PHF19: variants seen among roughly 807,000 people sequenced by gnomAD.
PHF19 encodes the protein polycomb like 3.
Under a neutral mutation model 79.8 loss-of-function variants are expected in PHF19, and 21 were observed. The observed-to-expected ratio is 0.26, with a 90% CI of 0.19 to 0.38. The LOEUF is 0.38. PHF19 is among the 10% of genes least tolerant of loss of function. The pLI is 1.00. For missense variants in PHF19, 445 were observed against 744.2 expected, an observed-to-expected ratio of 0.60 and a Z score of 4.68; for synonymous variants, 273 against 296.3, an observed-to-expected ratio of 0.92 and a Z score of 0.81.
Position 120,869,129 on chromosome 9 carries a change from C to G in PHF19, c.614+53G>C. On this transcript the variant is annotated intron_variant, in intron 6 of 14. Transcript: ENST00000373896. This position sits in a 1 kb window ranked among gnomAD's most constrained non-coding sequence, Gnocchi z 5.8. The stretch of plus-strand genomic sequence containing the variant: ...GCTCCCTATGGGCGGTCCCTGCTGG[C>G]GATTCTTGGAGACCTGCCCTGCCGC... 6 of 1,547,568 alleles carry G rather than the reference C, an allele frequency of 3.9e-6. No individual in the cohort carries two copies. The highest frequency in any genetic ancestry group is 5.2e-6 in the Non-Finnish European group (6 of 1,147,160).
Position 120,874,096 on chromosome 9 carries a change from G to A in PHF19, c.187-36C>T. 8.0e-7 allele frequency: 1 copy of A among 1,254,384 alleles called. No homozygotes were observed. Among genetic ancestry groups the A allele is most frequent in the Non-Finnish European group, 1.2e-6 (1 of 864,992 alleles). 77.7% of individuals were successfully genotyped at this position (1,254,384 alleles called of 1,614,324 possible). A position where few individuals can be genotyped will look rare whatever the true frequency, so the allele number is the denominator to read the frequency against. On this transcript the variant is annotated intron_variant, in intron 2 of 14. Transcript: ENST00000373896. The surrounding 1 kb of genome is among the most constrained non-coding windows in gnomAD (Gnocchi z 4.5). Reference sequence around the variant, plus strand: ...GATAGGAAGGAGCAAGTGAGAAAGGGCTGGGGAAAAGCCAACCTGGAACAT... The same window carrying A: ...GATAGGAAGGAGCAAGTGAGAAAGGACTGGGGAAAAGCCAACCTGGAACAT...
At chr9:120,877,403 G>C (rs1364233899), upstream of PHF19, 1 of 972,502 alleles carries the variant, frequency 1.0e-6, no homozygotes, top group Non-Finnish European at 1.2e-6. Flanking sequence ...ATTGGAGCCC[G>C]CGGCCGCCGG....
In PHF19 at chr9:120,877,143, C is replaced by G. The variant is rs1026936371; in HGVS notation, c.-68G>C. ...CTTGGAGTCTGGCCACCAGGCGCAT[C>G]GGTGGCGGAGGCGGCTGCGCTCGGC... On this transcript the variant is annotated 5_prime_UTR_variant, in exon 1 of 15. Transcript: ENST00000373896. The G allele has an allele frequency of 2.0e-6, 2 of 981,020 alleles. No individual in the cohort carries two copies. Among genetic ancestry groups the G allele is most frequent in the Admixed American group, 6.3e-5 (1 of 15,876 alleles). 60.8% of individuals were successfully genotyped at this position (981,020 alleles called of 1,614,324 possible). A position where few individuals can be genotyped will look rare whatever the true frequency, so the allele number is the denominator to read the frequency against.
At chr9:120,880,901 A>C (rs2046171154), upstream of PHF19, among the ~76,000 whole-genome samples, 1 of 151,520 alleles carries the variant, frequency 6.6e-6, no homozygotes, top group Admixed American at 6.6e-5. Context: ...TTGAGGCCAC[A>C]GTAAGCCATG....
chr9:120,886,129 C>G (rs1051639049), intron 1 of PHF19, among the ~76,000 whole-genome samples: 2 of 152,220 alleles, frequency 1.3e-5, no homozygotes, highest in African/African-American at 2.4e-5. Context: ...GATGCCTCCC[C>G]CTGCAGAGGA....
chr9:120,858,811 T>TCTCTCACACA (rs764897588), intron 14 of PHF19, among the ~76,000 whole-genome samples: 1 of 122,802 alleles, frequency 8.1e-6, no homozygotes, highest in African/African-American at 3.1e-5. Flanking sequence ...CTGACAGACA[T>TCTCTCACACA]CACACACACA....
intron 6 of PHF19, 190 bp downstream of exon 6, chr9:120,868,992 G>A (rs1386368591): frequency 1.0e-4 from 14 of 138,806 alleles, no homozygotes; most frequent in African/African-American, 2.0e-4. Flanking sequence ...CCGCCCCCGA[G>A]GCCCCACCCC....
upstream of PHF19, among the ~76,000 whole-genome samples, chr9:120,899,495 CAAA>C (rs1261417216): frequency 3.2e-5 from 3 of 95,034 alleles, no homozygotes; most frequent in Non-Finnish European, 2.2e-5. Flanking sequence ...GACTCCGTCT[CAAA>C]AAAAAAAAAA....
the PHF19 span, among the ~76,000 whole-genome samples, chr9:120,900,897 C>G: frequency 6.6e-6 from 1 of 152,194 alleles, no homozygotes; most frequent in African/African-American, 2.4e-5. Context: ...GTGTCTCTTA[C>G]AATCAGGAAT....
intron 1 of PHF19, among the ~76,000 whole-genome samples, chr9:120,889,203 G>A (rs980499173): frequency 1.3e-5 from 2 of 152,200 alleles, no homozygotes; most frequent in East Asian, 1.9e-4. Context: ...TGAGGCGGGC[G>A]GATCACGAGG....
chr9:120,874,390 G>T lies in PHF19; in HGVS notation c.186+166C>A, dbSNP rs1417790131. Reference sequence around the variant, plus strand: ...TTGGATGATGTTGACCCTAGGGATGGTGCCTGCAAGACCAGGCTCTGGCCC... The same window carrying T: ...TTGGATGATGTTGACCCTAGGGATGTTGCCTGCAAGACCAGGCTCTGGCCC... On this transcript the variant is annotated intron_variant, in intron 2 of 14. Transcript: ENST00000373896. This position sits in a 1 kb window ranked among gnomAD's most constrained non-coding sequence, Gnocchi z 4.5. Among the ~76,000 whole-genome samples the T allele has an allele frequency of 6.6e-6, 1 of 152,114 alleles. No individual in the cohort carries two copies. The highest frequency in any genetic ancestry group is 1.9e-4 in the East Asian group (1 of 5,194).
intron 12 of PHF19, 62 bp from the exon 13 acceptor site, chr9:120,861,236 C>G (rs903485691): frequency 2.1e-6 from 2 of 939,910 alleles, no homozygotes; most frequent in Non-Finnish European, 3.5e-6. Context: ...ACCTCCCACA[C>G]AGGCTGCCTC....
intron 6 of PHF19, among the ~76,000 whole-genome samples, chr9:120,867,758 A>C (rs2045746384): frequency 6.6e-6 from 1 of 152,228 alleles, no homozygotes; most frequent in African/African-American, 2.4e-5. Context: ...GAAGTAGTTC[A>C]AGCTTTGCCC....
At chr9:120,879,559 A>G (rs1422852984), upstream of PHF19, among the ~76,000 whole-genome samples, 1 of 152,234 alleles carries the variant, frequency 6.6e-6, no homozygotes, top group African/African-American at 2.4e-5. Context: ...TGTTCAAATA[A>G]GACAATGAAG....
chr9:120,876,014 G>A (rs1456001816), intron 1 of PHF19: 1 of 152,868 alleles, frequency 6.5e-6, no homozygotes, highest in Non-Finnish European at 1.5e-5. Flanking sequence ...TGTTCACAGG[G>A]AGAGAGTCCA....
rs911369754 is a variant in PHF19 at position 120,866,693 on chromosome 9, G to A, written c.710+177C>T. Among the ~76,000 whole-genome samples, 1 of 152,174 alleles carries A rather than the reference G, an allele frequency of 6.6e-6. No individual in the cohort carries two copies. Among genetic ancestry groups the A allele is most frequent in the African/African-American group, 2.4e-5 (1 of 41,420 alleles). On this transcript the variant is annotated intron_variant, in intron 7 of 14. Coordinates refer to ENST00000373896, the MANE Select transcript of PHF19 (RefSeq NM_015651.3). The surrounding 1 kb of genome is among the most constrained non-coding windows in gnomAD (Gnocchi z 5.2). Reference sequence around the variant, plus strand: ...CAGCATACTTCTTTATTGCCTCCTGGCCCTGCATAGCTAGGGGATCCCCTA... The same window carrying A: ...CAGCATACTTCTTTATTGCCTCCTGACCCTGCATAGCTAGGGGATCCCCTA...
At chr9:120,880,689 C>A (rs548004777), upstream of PHF19, among the ~76,000 whole-genome samples, 1 of 152,124 alleles carries the variant, frequency 6.6e-6, no homozygotes, top group African/African-American at 2.4e-5. Flanking sequence ...CAGCTGGGCC[C>A]GTGGCTCAAG....
chr9:120,897,295 G>A (rs2046411018), upstream of PHF19, among the ~76,000 whole-genome samples: 1 of 152,268 alleles, frequency 6.6e-6, no homozygotes, highest in African/African-American at 2.4e-5. Flanking sequence ...GTCACGTCTT[G>A]CAGGGACACA....
upstream of PHF19, among the ~76,000 whole-genome samples, chr9:120,881,434 A>G (rs1219799692): frequency 6.6e-6 from 1 of 152,084 alleles, no homozygotes; most frequent in Non-Finnish European, 1.5e-5. Flanking sequence ...GGCGTGAGTC[A>G]CCGTGCCTGG....
Sources: gnomAD v4.1 joint callset for allele counts (sites outside exome capture counted in the v4.1 genomes callset) on GRCh38, gnomAD v4.1.1 for gene constraint, Gnocchi (gnomAD v3.1) non-coding constraint, MANE v1.5 for transcripts, NCBI Gene and HGNC (gene_info 2026-07-23, HGNC 2026-07-21) for gene names.